Variants in POLN observed in about 807,000 individuals in gnomAD.
The protein encoded by POLN is DNA polymerase N.
POLN carries 108 observed loss-of-function variants against 113.5 expected under a neutral mutation model. That is an observed-to-expected ratio of 0.95 (90% confidence interval 0.81 to 1.12). POLN has a LOEUF of 1.12. Ranked by LOEUF, POLN falls within the 50% of genes most tolerant of loss-of-function variation. The pLI is 0.00. For synonymous variants in POLN, 386 were observed against 391.5 expected, an observed-to-expected ratio of 0.99 and a Z score of 0.17; for missense variants, 1,097 against 1,077.1, an observed-to-expected ratio of 1.02 and a Z score of -0.26.
At chr4:2,094,942 T>C (rs996989611) in intron 20 of POLN, among the ~76,000 whole-genome samples, 1 of 152,156 alleles carries the variant, frequency 6.6e-6, no homozygotes, top group African/African-American at 2.4e-5. Context: ...GTGAATCTTC[T>C]TTTCAGGGTC....
chr4:2,190,297 T>A (rs572536897), intron 7 of POLN, among the ~76,000 whole-genome samples: 1 of 151,944 alleles, frequency 6.6e-6, no homozygotes, highest in African/African-American at 2.4e-5. Context: ...TCCAAGAATA[T>A]ATATTGGGGA....
intron 13 of POLN, among the ~76,000 whole-genome samples, chr4:2,159,609 A>G (rs1358593845): frequency 1.3e-5 from 2 of 152,228 alleles, no homozygotes; most frequent in Non-Finnish European, 2.9e-5. Flanking sequence ...ACCTATAGGA[A>G]AGTGCAAGAG....
At chr4:2,143,724 G>C (rs896445410) in intron 16 of POLN, among the ~76,000 whole-genome samples, 3 of 152,134 alleles carry the variant, frequency 2.0e-5, no homozygotes, top group Admixed American at 1.3e-4. Flanking sequence ...ACAAAAACCA[G>C]ATGAAGACAG....
intron 16 of POLN, among the ~76,000 whole-genome samples, chr4:2,141,253 T>C: frequency 6.6e-6 from 1 of 152,206 alleles, no homozygotes; most frequent in Non-Finnish European, 1.5e-5. Context: ...ACATGGATTG[T>C]GGTATTTTAA....
At chr4:2,183,042 A>G (rs1196047265) in intron 7 of POLN, among the ~76,000 whole-genome samples, 1 of 152,264 alleles carries the variant, frequency 6.6e-6, no homozygotes, top group African/African-American at 2.4e-5. Flanking sequence ...AGTGGCCAAT[A>G]AGCACATGAG....
chr4:2,228,539 G>A (rs61792605), intron 3 of POLN: 10 of 186,092 alleles, frequency 5.4e-5, no homozygotes, highest in African/African-American at 1.9e-4. Flanking sequence ...GTGTTTTACC[G>A]TGTTAGCCAG....
At chr4:2,080,191 G>T in intron 23 of POLN, 2 of 987,170 alleles carry the variant, frequency 2.0e-6, no homozygotes, top group Non-Finnish European at 1.2e-6. Context: ...AGGAGAGGAG[G>T]TGTCTGGGTC....
At chr4:2,163,332 C>T (rs540490151) in intron 13 of POLN, among the ~76,000 whole-genome samples, 1 of 152,322 alleles carries the variant, frequency 6.6e-6, no homozygotes, top group South Asian at 2.1e-4. Context: ...TCTAACTCTC[C>T]TTATCTTGAT....
intron 15 of POLN, among the ~76,000 whole-genome samples, chr4:2,157,444 C>T (rs1450552176): frequency 2.6e-5 from 4 of 152,132 alleles, no homozygotes; most frequent in South Asian, 2.1e-4. Context: ...TAGATTATTT[C>T]GGCTGGGTGA....
chr4:2,102,411 G>C (rs1730950775), intron 19 of POLN, among the ~76,000 whole-genome samples: 1 of 152,148 alleles, frequency 6.6e-6, no homozygotes. Flanking sequence ...GCTGGCCTGG[G>C]GGCTGGCCTG....
rs145476355 is a variant in POLN, at chr4:2,208,153, C to A, written c.548G>T (p.Gly183Val). The A allele has an allele frequency of 3.4e-4, 552 of 1,614,152 alleles. 1 individual carries two copies. In the Middle Eastern group the frequency reaches 6.4e-3, roughly 19 times the overall value. Residue 183 changes from glycine (G) to valine (V), a missense_variant, in exon 5 of 26, where the codon GGC (glycine) becomes GTC (valine). Physicochemically the swap from Gly to Val is moderately radical, Grantham distance 109 (BLOSUM62 -3). Coordinates refer to ENST00000511885, the MANE Select transcript of POLN (RefSeq NM_181808.4). ...ALEEDTDDAEGYLNSGNSGAL... is the reference protein window; with the variant it reads ...ALEEDTDDAEVYLNSGNSGAL... Reference sequence around the variant, plus strand: ...TCCTGAGTTCCCAGAATTTAGGTAGCCTTCGGCGTCATCAGTATCTTCTTC... The same window carrying A: ...TCCTGAGTTCCCAGAATTTAGGTAGACTTCGGCGTCATCAGTATCTTCTTC...
Position 2,189,014 on chromosome 4 carries a change from C to G in POLN, c.1021+4190G>C, listed in dbSNP as rs189971578. 3.5e-4 allele frequency among the ~76,000 whole-genome samples: 53 copies of G among 152,104 alleles called. No homozygotes were observed. The Middle Eastern group carries it at 0.01, about 29-fold the overall frequency. On this transcript the variant is annotated intron_variant, in intron 7 of 25. Transcript: ENST00000511885. ...TAACTATAAGATTTTTTTTGTAAGG[C>G]TCCTTTTTATTTTTAGTGTATTTAT...
In POLN at chr4:2,208,249, C is replaced by G. The variant is rs144537020; in HGVS notation, c.452G>C (p.Ser151Thr). ...AATATGTTTTCTTTTAAGATTAATG[C>G]TTCCTTTATTTTCATTATTTATATT... ...MENINNENKG[S>T]INLKRKHITY... The change falls in exon 5 of 26, where the codon AGC becomes ACC. Residue 151 changes from serine to threonine, a missense_variant. Coordinates refer to ENST00000511885, the MANE Select transcript of POLN (RefSeq NM_181808.4). The G allele has an allele frequency of 1.3e-6, 2 of 1,586,788 alleles. No individual in the cohort carries two copies. The highest frequency in any genetic ancestry group is 1.7e-6 in the Non-Finnish European group (2 of 1,160,552).
chr4:2,121,411 G>T (rs966889303), intron 19 of POLN, among the ~76,000 whole-genome samples: 5 of 147,502 alleles, frequency 3.4e-5, no homozygotes, highest in African/African-American at 9.9e-5. Context: ...CTCCAGCCTG[G>T]GTGACAGAGC....
intron 16 of POLN, among the ~76,000 whole-genome samples, chr4:2,144,143 C>CTTTTT (rs955583573): frequency 3.2e-5 from 4 of 126,976 alleles, no homozygotes; most frequent in African/African-American, 5.7e-5. Flanking sequence ...AAAATTTGTT[C>CTTTTT]TTTTTTTTTT....
chr4:2,156,880 A>G, intron 15 of POLN, 27 bp from the exon 16 acceptor site: 1 of 1,549,436 alleles, frequency 6.5e-7, no homozygotes, highest in Non-Finnish European at 8.9e-7. Flanking sequence ...GAATCAGTGT[A>G]AACTCCAGCA....
At chr4:2,214,462 C>T (rs1442598901) in intron 3 of POLN, among the ~76,000 whole-genome samples, 1 of 152,068 alleles carries the variant, frequency 6.6e-6, no homozygotes, top group Non-Finnish European at 1.5e-5. Flanking sequence ...GGGTTAACTG[C>T]TATATTATAC....
intron 21 of POLN, among the ~76,000 whole-genome samples, chr4:2,084,393 G>A (rs1421064093): frequency 6.6e-6 from 1 of 152,208 alleles, no homozygotes; most frequent in African/African-American, 2.4e-5. Flanking sequence ...GGCCTCTGCT[G>A]CGGCTCTGTT....
intron 24 of POLN, 146 bp downstream of exon 24, chr4:2,075,306 C>T: frequency 1.1e-6 from 1 of 916,076 alleles, no homozygotes; most frequent in South Asian, 1.7e-5. Flanking sequence ...CCTGCCAGGA[C>T]CCAGGTGACA....
Sources: allele counts gnomAD v4.1 joint callset (sites outside exome capture counted in the v4.1 genomes callset), GRCh38; gene constraint gnomAD v4.1.1; transcripts MANE v1.5; gene names NCBI Gene and HGNC (gene_info 2026-07-23, HGNC 2026-07-21).